Variants in LRRC31 observed in about 807,000 individuals in gnomAD.
The protein encoded by LRRC31 is leucine-rich repeat-containing protein 31.
In LRRC31, 35 loss-of-function variants were observed where a neutral mutation model predicts 46.7. The observed-to-expected ratio is 0.75, with a 90% CI of 0.57 to 0.99. LRRC31 has a LOEUF of 0.99. Ranked by LOEUF, LRRC31 falls within the 50% of genes least tolerant of loss-of-function variation. LRRC31 has a pLI of 0.00. For synonymous variants in LRRC31, 236 were observed against 235.1 expected, an observed-to-expected ratio of 1.00 and a Z score of -0.03; for missense variants, 613 against 626.1, an observed-to-expected ratio of 0.98 and a Z score of 0.22.
intron 8 of LRRC31, among the ~76,000 whole-genome samples, chr3:169,844,762 T>G (rs1780553481): frequency 6.6e-6 from 1 of 152,014 alleles, no homozygotes; most frequent in African/African-American, 2.4e-5. Flanking sequence ...TGAAACCCCG[T>G]CTGTATTAAA....
chr3:169,856,284 A>G (rs1205055888), intron 5 of LRRC31, 52 bp downstream of exon 5: 1 of 1,070,982 alleles, frequency 9.3e-7, no homozygotes, highest in Non-Finnish European at 1.3e-6. Flanking sequence ...ATTTATATGT[A>G]TATCATATAT....
At chr3:169,851,906 T>G in intron 6 of LRRC31, 120 bp from the exon 7 acceptor site, 2 of 925,948 alleles carry the variant, frequency 2.2e-6, no homozygotes, top group Non-Finnish European at 3.2e-6. Context: ...ACCCCGGCCC[T>G]CCCTCCTTTA....
intron 8 of LRRC31, 165 bp from the exon 9 acceptor site, chr3:169,840,478 A>AGAGGAAATCTG: frequency 2.6e-6 from 2 of 766,688 alleles, no homozygotes; most frequent in Non-Finnish European, 4.3e-6. Flanking sequence ...TTAGTAACAG[A>AGAGGAAATCTG]TTTCCTCTCT....
intron 1 of LRRC31, among the ~76,000 whole-genome samples, chr3:169,862,840 G>A (rs951826980): frequency 3.9e-5 from 6 of 151,930 alleles, no homozygotes; most frequent in South Asian, 2.1e-4. Flanking sequence ...TTATGTACTC[G>A]TTCTTTGCCT....
chr3:169,848,032 C>A, intron 8 of LRRC31, 88 bp downstream of exon 8: 1 of 1,341,736 alleles, frequency 7.5e-7, no homozygotes, highest in Admixed American at 2.0e-5. Context: ...AGGTCTGGTA[C>A]CTCCCCCACC....
chr3:169,849,372 T>C (rs530321034), intron 7 of LRRC31, among the ~76,000 whole-genome samples: 2 of 152,354 alleles, frequency 1.3e-5, no homozygotes, highest in South Asian at 4.1e-4. Context: ...TAATTTAGTG[T>C]GATACCTAGT....
At chr3:169,845,624 T>A (rs1265090432) in intron 8 of LRRC31, among the ~76,000 whole-genome samples, 1 of 152,182 alleles carries the variant, frequency 6.6e-6, no homozygotes, top group Non-Finnish European at 1.5e-5. Flanking sequence ...TCTTTTCAGT[T>A]AATGGCACTC....
rs374269317 is a variant in LRRC31, at chr3:169,856,290, T to C, written c.823+46A>G. On this transcript the variant is annotated intron_variant, in intron 5 of 8. Coordinates refer to ENST00000316428, the MANE Select transcript of LRRC31 (RefSeq NM_024727.4). ...AATATATATATTTATATGTATATCA[T>C]ATATAATTATACATGTAATCTTAAA... 3.2e-5 allele frequency: 38 copies of C among 1,199,952 alleles called. No individual in the cohort carries two copies. In the African/African-American group the frequency reaches 5.4e-4, roughly 17 times the overall value. The allele number at this position is 1,199,952 out of a possible 1,614,324, so 74.3% of individuals were successfully genotyped here. A position where few individuals can be genotyped will look rare whatever the true frequency, so the allele number is the denominator to read the frequency against.
At chr3:169,841,690 T>C (rs1157889650) in intron 8 of LRRC31, among the ~76,000 whole-genome samples, 1 of 152,204 alleles carries the variant, frequency 6.6e-6, no homozygotes, top group Non-Finnish European at 1.5e-5. Flanking sequence ...AACTTCAACA[T>C]TATCTTCATT....
chr3:169,855,909 G>T (rs918066404), intron 5 of LRRC31, among the ~76,000 whole-genome samples: 2 of 151,884 alleles, frequency 1.3e-5, no homozygotes, highest in African/African-American at 4.8e-5. Context: ...TATAAAATAT[G>T]TATATATTTT....
chr3:169,850,470 C>A (rs1292744757), intron 7 of LRRC31, among the ~76,000 whole-genome samples: 1 of 152,192 alleles, frequency 6.6e-6, no homozygotes, highest in Non-Finnish European at 1.5e-5. Flanking sequence ...ACCCACCAGA[C>A]AAGTCTAGGT....
intron 8 of LRRC31, among the ~76,000 whole-genome samples, chr3:169,843,811 G>A (rs1212446546): frequency 6.6e-6 from 1 of 152,058 alleles, no homozygotes; most frequent in Non-Finnish European, 1.5e-5. Context: ...AGGATAACAA[G>A]GAAACAACTT....
intron 1 of LRRC31, among the ~76,000 whole-genome samples, chr3:169,864,587 A>G (rs1781273575): frequency 6.6e-6 from 1 of 152,206 alleles, no homozygotes; most frequent in African/African-American, 2.4e-5. Context: ...AGGGCCTTTT[A>G]CCTGAGAGGT....
intron 7 of LRRC31, among the ~76,000 whole-genome samples, chr3:169,850,389 T>C (rs1262489963): frequency 6.6e-6 from 1 of 152,080 alleles, no homozygotes; most frequent in Non-Finnish European, 1.5e-5. Flanking sequence ...TTCATCCCAT[T>C]GTCCACATGT....
rs150486272 is a variant in LRRC31, at chr3:169,859,311, G to A, written c.487+1250C>T. 5.8e-3 allele frequency among the ~76,000 whole-genome samples: 839 copies of A among 144,904 alleles called. 16 individuals are homozygous for A. Among genetic ancestry groups the A allele is most frequent in the African/African-American group, 0.022 (792 of 36,210 alleles). ...ACACCGTCTCAAAAAAAAAAAGGCC[G>A]GGGGGGCGGGTAGGCACTAGGATTT... On this transcript the variant is annotated intron_variant, in intron 3 of 8. Coordinates refer to ENST00000316428, the MANE Select transcript of LRRC31 (RefSeq NM_024727.4).
At chr3:169,864,676 AATC>A (rs1467911025) in intron 1 of LRRC31, among the ~76,000 whole-genome samples, 1 of 152,248 alleles carries the variant, frequency 6.6e-6, no homozygotes, top group Non-Finnish European at 1.5e-5. Context: ...TACCAAAATA[AATC>A]ATCATGATAA....
intron 8 of LRRC31, among the ~76,000 whole-genome samples, chr3:169,846,444 G>A (rs371399353): frequency 1.1e-4 from 17 of 152,162 alleles, no homozygotes; most frequent in African/African-American, 3.9e-4. Flanking sequence ...GAGGTCAGGT[G>A]TTTGAGACCA....
rs370737804 is a variant in LRRC31, at chr3:169,840,155, G to A, written c.1486C>T (p.Arg496Ter). 1.9e-5 allele frequency: 31 copies of A among 1,613,912 alleles called. No homozygotes were observed. Among genetic ancestry groups the A allele is most frequent in the African/African-American group, 1.9e-4 (14 of 74,876 alleles). ...TGTCTAAACCATTGTCCACAATCTC[G>A]AAAATTTGATGGTCGAAGGCTAATA... ...LDISLRPSNF[R>*]DCGQWFRHLL... The change falls in exon 9 of 9, where the codon CGA becomes TGA. Residue 496 changes from arginine to a stop codon, truncating the protein, a stop_gained. Coordinates refer to ENST00000316428, the MANE Select transcript of LRRC31 (RefSeq NM_024727.4). LOFTEE classifies it low-confidence loss of function (END_TRUNC).
chr3:169,853,146 C>A, intron 6 of LRRC31: 2 of 887,320 alleles, frequency 2.3e-6, no homozygotes, highest in Non-Finnish European at 2.7e-6. Flanking sequence ...CTTGCCATAC[C>A]GAAGCTCCCT....
Sources: gnomAD v4.1 joint callset for allele counts (sites outside exome capture counted in the v4.1 genomes callset) on GRCh38, gnomAD v4.1.1 for gene constraint, MANE v1.5 for transcripts, NCBI Gene and HGNC (gene_info 2026-07-23, HGNC 2026-07-21) for gene names.